Variants in BTN3A3 observed in about 807,000 individuals in gnomAD.
The protein encoded by BTN3A3 is butyrophilin 3.
BTN3A3 carries 39 observed loss-of-function variants against 43.2 expected under a neutral mutation model. The ratio of observed to expected loss-of-function variants is 0.90; its 90% CI spans 0.70 to 1.18. The LOEUF (loss-of-function observed/expected upper bound fraction) is 1.18, where lower values mean the gene tolerates loss of function less well. Ranked by LOEUF, BTN3A3 falls within the 50% of genes most tolerant of loss-of-function variation. The pLI is 0.00. For synonymous variants in BTN3A3, 255 were observed against 272.7 expected, an observed-to-expected ratio of 0.93 and a Z score of 0.64; for missense variants, 631 against 722.8, an observed-to-expected ratio of 0.87 and a Z score of 1.46.
At chr6:26,442,684 C>G (rs1390400692) in intron 1 of BTN3A3, among the ~76,000 whole-genome samples, 1 of 152,234 alleles carries the variant, frequency 6.6e-6, no homozygotes, top group Non-Finnish European at 1.5e-5. Context: ...ACTTTAAAAA[C>G]AGTGCTGCAG....
intron 1 of BTN3A3, among the ~76,000 whole-genome samples, chr6:26,440,996 AG>A (rs1762615091): frequency 6.7e-6 from 1 of 150,168 alleles, no homozygotes; most frequent in Non-Finnish European, 1.5e-5. Flanking sequence ...AGGGCAAAAA[AG>A]TCGCTAAAAT....
Position 26,443,371 on chromosome 6 carries a change from T to A in BTN3A3, c.-66-11T>A. On this transcript the variant is annotated splice_polypyrimidine_tract_variant and intron_variant, in intron 1 of 10. Coordinates refer to ENST00000244519, the MANE Select transcript of BTN3A3 (RefSeq NM_006994.5). ...GATGTCCTGATCAGATAACAGATATTATTTTTACAGATGGTTTTCCATACT... is the reference window on the plus strand; with the variant it reads ...GATGTCCTGATCAGATAACAGATATAATTTTTACAGATGGTTTTCCATACT... 1 of 1,266,034 alleles carries A rather than the reference T, an allele frequency of 7.9e-7. No homozygotes were observed. Among genetic ancestry groups the A allele is most frequent in the Non-Finnish European group, 1.1e-6 (1 of 947,190 alleles). The allele number at this position is 1,266,034 out of a possible 1,614,324, so 78.4% of individuals were successfully genotyped here.
rs186135602 is a variant in BTN3A3 at position 26,445,485 on chromosome 6, C to G, written c.434-219C>G. Reference sequence around the variant, plus strand: ...CCGGAACAGATCCCTCTCCTCCTCCCTCTGGTAATTGGGGTGGATGGGAAT... The same window carrying G: ...CCGGAACAGATCCCTCTCCTCCTCCGTCTGGTAATTGGGGTGGATGGGAAT... On this transcript the variant is annotated intron_variant, in intron 4 of 10. Transcript: ENST00000244519. The G allele has an allele frequency of 4.9e-5, 29 of 593,830 alleles. No individual in the cohort carries two copies. The African/African-American group carries it at 5.0e-4, about 10-fold the overall frequency. The allele number at this position is 593,830 out of a possible 1,614,324, so 36.8% of individuals were successfully genotyped here.
chr6:26,448,173 G>T (rs937813670), intron 5 of BTN3A3, 75 bp from the exon 6 acceptor site: 100 of 1,534,396 alleles, frequency 6.5e-5, no homozygotes, highest in Non-Finnish European at 8.3e-5. Context: ...GGGCTGAGCA[G>T]CTAAAGCTTG....
chr6:26,445,955 C>T lies in BTN3A3; in HGVS notation c.685C>T (p.Leu229=). The T allele has an allele frequency of 1.2e-6, 2 of 1,614,184 alleles. No individual in the cohort carries two copies. The highest frequency in any genetic ancestry group is 1.3e-5 in the African/African-American group (1 of 75,036). Residue 229 remains leucine (L), a synonymous_variant, in exon 5 of 11, where the codon CTG becomes TTG. Transcript: ENST00000244519. ...CATCATCAGAAATTCCCTCCTCGGCCTGGAAAAGACAGCCAGCATATCCAT... is the reference window on the plus strand; with the variant it reads ...CATCATCAGAAATTCCCTCCTCGGCTTGGAAAAGACAGCCAGCATATCCAT... ...SCIIRNSLLG[L]EKTASISIAD...
At chr6:26,445,636 T>G in intron 4 of BTN3A3, 68 bp from the exon 5 acceptor site, 1 of 1,525,378 alleles carries the variant, frequency 6.6e-7, no homozygotes, top group South Asian at 1.2e-5. Flanking sequence ...AGTCTGCCAT[T>G]GATTCCCATT....
At chr6:26,440,845 CAT>C (rs1400364110) in intron 1 of BTN3A3, 197 bp downstream of exon 1, 15 of 152,050 alleles carry the variant, frequency 9.9e-5, no homozygotes, top group Middle Eastern at 3.4e-3. Context: ...CCCATGCACA[CAT>C]GTGGGCACAT....
In BTN3A3 at chr6:26,448,394, C is replaced by T. The variant is rs758931047; in HGVS notation, c.862C>T (p.Arg288Ter). The T allele has an allele frequency of 1.9e-5, 31 of 1,613,638 alleles. No individual in the cohort carries two copies. Among genetic ancestry groups the T allele is most frequent in the Middle Eastern group, 3.3e-4 (2 of 6,062 alleles). ...TCTGTCCAGGGAGACAGAAAGAGAGCGAGAGATGAAAGAAATGGGATACGC... is the reference window on the plus strand; with the variant it reads ...TCTGTCCAGGGAGACAGAAAGAGAGTGAGAGATGAAAGAAATGGGATACGC... The part of the protein sequence containing the change: ...IALSRETERE[R>*]EMKEMGYAAT... The change falls in exon 6 of 11, where the codon CGA becomes TGA. Residue 288 changes from arginine to a stop codon, truncating the protein, a stop_gained. Transcript: ENST00000244519. LOFTEE classifies it high-confidence loss of function.
intron 5 of BTN3A3, among the ~76,000 whole-genome samples, chr6:26,446,897 T>G (rs936763975): frequency 1.4e-4 from 22 of 152,106 alleles, no homozygotes; most frequent in African/African-American, 5.1e-4. Flanking sequence ...CCTGGATAAT[T>G]TTTATATTTT....
intron 1 of BTN3A3, among the ~76,000 whole-genome samples, chr6:26,442,078 C>T (rs1762651670): frequency 6.6e-6 from 1 of 152,074 alleles, no homozygotes; most frequent in South Asian, 2.1e-4. Context: ...TGGAGGATGG[C>T]CGGCTGCACA....
chr6:26,451,958 G>A lies in BTN3A3; in HGVS notation c.1302G>A (p.Met434Ile), dbSNP rs755768285. Residue 434 changes from methionine (M) to isoleucine (I), a missense_variant, in exon 11 of 11, where the codon ATG becomes ATA. Physicochemically the swap from Met to Ile is conservative, Grantham distance 10. This residue lies in a region of BTN3A3 where 551 missense variants were observed against 584.0 expected (regional missense o/e 0.94). Transcript: ENST00000244519. ...CACCGGAGAACGGATACTGGACTAT[G>A]GGCCTGACTGATGGGAATAAGTATC... Reference protein sequence around the residue: ...KMTPENGYWTMGLTDGNKYRA... With the variant: ...KMTPENGYWTIGLTDGNKYRA... 9 of 1,613,996 alleles carry A rather than the reference G, an allele frequency of 5.6e-6. No homozygotes were observed. In the East Asian group the frequency reaches 2.0e-4, roughly 36 times the overall value.
Position 26,451,703 on chromosome 6 carries a change from A to G in BTN3A3, c.1047A>G (p.Ala349=), listed in dbSNP as rs368263332. 13 of 1,613,440 alleles carry G rather than the reference A, an allele frequency of 8.1e-6. No individual in the cohort carries two copies. Among genetic ancestry groups the G allele is most frequent in the Non-Finnish European group, 1.1e-5 (13 of 1,179,596 alleles). Residue 349 remains alanine, a synonymous_variant, in exon 11 of 11, where the codon GCA becomes GCG. Coordinates refer to ENST00000244519, the MANE Select transcript of BTN3A3 (RefSeq NM_006994.5). Reference sequence around the variant, plus strand: ...ATGTGATTCTGGATCCAGACACGGCAAACGCCATCCTCCTTGTTTCTGAGG... The same window carrying G: ...ATGTGATTCTGGATCCAGACACGGCGAACGCCATCCTCCTTGTTTCTGAGG... ...PADVILDPDT[A]NAILLVSEDQ...
chr6:26,451,676 G>A lies in BTN3A3; in HGVS notation c.1020G>A (p.Ala340=), dbSNP rs200780915. ...GACACCTCCTCAAACTCTCTGCAGC[G>A]GATGTGATTCTGGATCCAGACACGG... ...HEWKMALFKP[A]DVILDPDTAN... The change falls in exon 11 of 11, where the codon GCG becomes GCA. Residue 340 remains alanine (A), a splice_region_variant and synonymous_variant. Transcript: ENST00000244519. 2.2e-5 allele frequency: 36 copies of A among 1,609,862 alleles called. No homozygotes were observed. The East Asian group carries it at 4.2e-4, about 19-fold the overall frequency.
chr6:26,444,192 G>A lies in BTN3A3; in HGVS notation c.321G>A (p.Gly107=), dbSNP rs771757184. 5.6e-6 allele frequency: 9 copies of A among 1,612,044 alleles called. No individual in the cohort carries two copies. The highest frequency in any genetic ancestry group is 7.6e-6 in the Non-Finnish European group (9 of 1,179,860). Reference sequence around the variant, plus strand: ...TTCTGCGGGATGGCATCACTGCAGGGAAGGCTGCTCTCCGAATACACAACG... The same window carrying A: ...TTCTGCGGGATGGCATCACTGCAGGAAAGGCTGCTCTCCGAATACACAACG... ...TSILRDGITA[G]KAALRIHNVT... Residue 107 remains glycine (G), a synonymous_variant, in exon 4 of 11, where the codon GGG becomes GGA. Coordinates refer to ENST00000244519, the MANE Select transcript of BTN3A3 (RefSeq NM_006994.5).
rs1561861728 is a variant in BTN3A3, at chr6:26,445,890, C to A, written c.620C>A (p.Ser207Tyr). 3 of 1,614,178 alleles carry A rather than the reference C, an allele frequency of 1.9e-6. No homozygotes were observed. The highest frequency in any genetic ancestry group is 2.5e-6 in the Non-Finnish European group (3 of 1,180,036). Residue 207 changes from serine to tyrosine, a missense_variant, in exon 5 of 11, where the codon TCT (serine) becomes TAT (tyrosine). By Grantham distance (144) the Ser-to-Tyr change is moderately radical (BLOSUM62 -2). This residue lies in a region of BTN3A3 where 551 missense variants were observed against 584.0 expected (regional missense o/e 0.94). Transcript: ENST00000244519. ...GTGGGCCTGTATGCAGTAGCAGCAT[C>A]TGTGATCATGAGAGGCAGCTCTGGT... is the stretch of plus-strand genomic sequence containing the variant. ...DGVGLYAVAA[S>Y]VIMRGSSGGG...
chr6:26,444,364 G>A (rs532703233), intron 4 of BTN3A3, 60 bp downstream of exon 4: 2 of 1,611,084 alleles, frequency 1.2e-6, no homozygotes, highest in East Asian at 2.2e-5. Flanking sequence ...CAGATGCAGA[G>A]TCCCTCTTCC....
chr6:26,452,504 G>A lies in BTN3A3; in HGVS notation c.*93G>A. 2.7e-5 allele frequency: 31 copies of A among 1,145,580 alleles called. No individual in the cohort carries two copies. The highest frequency in any genetic ancestry group is 3.4e-5 in the Non-Finnish European group (28 of 832,414). The allele number at this position is 1,145,580 out of a possible 1,614,324, so 71.0% of individuals were successfully genotyped here. A position where few individuals can be genotyped will look rare whatever the true frequency, so the allele number is the denominator to read the frequency against. On this transcript the variant is annotated 3_prime_UTR_variant, in exon 11 of 11. Transcript: ENST00000244519. Reference sequence around the variant, plus strand: ...GATAAGGAAACTGGGGTGCAGAAAGGTGAATTAACTTTACAAAGTAGACAT... The same window carrying A: ...GATAAGGAAACTGGGGTGCAGAAAGATGAATTAACTTTACAAAGTAGACAT...
At chr6:26,440,894 C>A (rs1408638880) in intron 1 of BTN3A3, among the ~76,000 whole-genome samples, 1 of 151,924 alleles carries the variant, frequency 6.6e-6, no homozygotes, top group Non-Finnish European at 1.5e-5. Context: ...TAAAGACCTG[C>A]AGATATTGGG....
At chr6:26,448,108 T>C in intron 5 of BTN3A3, 140 bp from the exon 6 acceptor site, 1 of 972,312 alleles carries the variant, frequency 1.0e-6, no homozygotes, top group Non-Finnish European at 1.5e-6. Flanking sequence ...CCTCTGAGAC[T>C]TTAGGGACAG....
Sources: gnomAD v4.1 joint callset for allele counts (sites outside exome capture counted in the v4.1 genomes callset) on GRCh38, gnomAD v4.1.1 for gene constraint, gnomAD v4.1.1 regional missense constraint, MANE v1.5 for transcripts, NCBI Gene and HGNC (gene_info 2026-07-23, HGNC 2026-07-21) for gene names.